Variants in RIMS1 observed in about 807,000 individuals in gnomAD.
RIMS1 encodes regulating synaptic membrane exocytosis 1, also known as regulating synaptic membrane exocytosis protein 1.
RIMS1 carries 83 observed loss-of-function variants against 214.1 expected under a neutral mutation model. The observed-to-expected ratio is 0.39, with a 90% CI of 0.32 to 0.47. RIMS1 has a LOEUF of 0.47. RIMS1 is among the 20% of genes least tolerant of loss of function. The pLI is 0.99. For synonymous variants in RIMS1, 793 were observed against 786.8 expected (o/e 1.01, Z -0.13); for missense variants, 2,050 against 2,161.8 (o/e 0.95, Z 1.03).
At chr6:72,213,823 G>C (rs2054489881) in intron 6 of RIMS1, among the ~76,000 whole-genome samples, 1 of 152,104 alleles carries the variant, frequency 6.6e-6, no homozygotes, top group African/African-American at 2.4e-5. Flanking sequence ...AATTGCATTT[G>C]ATGTTAGGTT....
intron 28 of RIMS1, among the ~76,000 whole-genome samples, chr6:72,323,575 A>G (rs541667091): frequency 1.7e-4 from 26 of 152,074 alleles, no homozygotes; most frequent in African/African-American, 5.5e-4. Context: ...TTGGAGGAGA[A>G]TATAAACAAG....
At chr6:72,008,791 G>A (rs1165789579) in intron 2 of RIMS1, among the ~76,000 whole-genome samples, 1 of 152,188 alleles carries the variant, frequency 6.6e-6, no homozygotes, top group Non-Finnish European at 1.5e-5. Flanking sequence ...AAATATATAT[G>A]CATGCAATAC....
At chr6:72,257,945 A>G (rs186729406) in intron 16 of RIMS1, among the ~76,000 whole-genome samples, 180 bp from the exon 17 acceptor site, 207 of 152,252 alleles carry the variant, frequency 1.4e-3, no homozygotes, top group African/African-American at 4.8e-3. Context: ...CAATGCATGT[A>G]TATGTTACAC....
intron 16 of RIMS1, among the ~76,000 whole-genome samples, chr6:72,253,155 AT>A (rs1262311883): frequency 2.0e-5 from 3 of 152,096 alleles, no homozygotes; most frequent in Non-Finnish European, 4.4e-5. Flanking sequence ...TAAAAATTCC[AT>A]TTTTCTGTGT....
intron 26 of RIMS1, among the ~76,000 whole-genome samples, chr6:72,298,394 C>T (rs995710234): frequency 2.0e-5 from 3 of 151,884 alleles, no homozygotes; most frequent in African/African-American, 4.8e-5. Context: ...AACTTGGCCC[C>T]TTATCAGTCA....
intron 6 of RIMS1, among the ~76,000 whole-genome samples, chr6:72,210,682 A>G (rs906165876): frequency 6.6e-6 from 1 of 152,186 alleles, no homozygotes; most frequent in African/African-American, 2.4e-5. Context: ...ATTAGCTTTG[A>G]TTATTATTGC....
Position 72,262,438 on chromosome 6 carries a change from C to T in RIMS1, c.3116+1671C>T, listed in dbSNP as rs920552549. 8.1e-6 allele frequency: 8 copies of T among 984,894 alleles called. No individual in the cohort carries two copies. In the East Asian group the frequency reaches 3.4e-4, roughly 42 times the overall value. The allele number at this position is 984,894 out of a possible 1,614,324, so 61.0% of individuals were successfully genotyped here. On this transcript the variant is annotated intron_variant, in intron 19 of 33. Transcript: ENST00000521978. ...GATAACATCCTGTGGACAGGTACTA[C>T]GACAATAAGATAGGGAGTGGAAGGA... is the stretch of plus-strand genomic sequence containing the variant.
intron 28 of RIMS1, among the ~76,000 whole-genome samples, chr6:72,330,038 G>T (rs2096607215): frequency 6.6e-6 from 1 of 151,818 alleles, no homozygotes; most frequent in African/African-American, 2.4e-5. Flanking sequence ...TCATGTAGAA[G>T]AATATAGGCC....
At position 71,968,963 on chromosome 6, in the gene RIMS1, C is replaced by T. The variant is rs756945417; in HGVS notation, c.165-20C>T. The T allele has an allele frequency of 7.5e-6, 12 of 1,606,550 alleles. No homozygotes were observed. In the Admixed American group the frequency reaches 2.0e-4, roughly 27 times the overall value. On this transcript the variant is annotated intron_variant, in intron 1 of 33. Transcript: ENST00000521978. ...TTTTTATAATTAATAGTGCGTTGTG[C>T]TGTCTATCATGCGCCCCAGGTGTGT...
rs557169028 is a variant in RIMS1 at position 72,237,690 on chromosome 6, A to T, written c.1858-133A>T. 6.1e-5 allele frequency: 40 copies of T among 657,470 alleles called. 1 individual carries two copies. In the Admixed American group the frequency reaches 1.1e-3, roughly 18 times the overall value. 40.7% of individuals were successfully genotyped at this position (657,470 alleles called of 1,614,324 possible). On this transcript the variant is annotated intron_variant, in intron 8 of 33. Coordinates refer to ENST00000521978, the MANE Select transcript of RIMS1 (RefSeq NM_014989.7). ...GATCCCATCTCAAAAAAAAAAAAAAAGTGCTTCACTTCATTAATGTTTCTA... is the reference window on the plus strand; with the variant it reads ...GATCCCATCTCAAAAAAAAAAAAAATGTGCTTCACTTCATTAATGTTTCTA...
intron 2 of RIMS1, among the ~76,000 whole-genome samples, chr6:72,085,014 C>T (rs1834291839): frequency 6.6e-6 from 1 of 152,036 alleles, no homozygotes. Flanking sequence ...TCTTTTTCAG[C>T]CACCTCTGAA....
rs780919863 is a variant in RIMS1 at position 72,179,672 on chromosome 6, A to T, written c.569A>T (p.Asp190Val). The T allele has an allele frequency of 1.2e-6, 2 of 1,613,706 alleles. No individual in the cohort carries two copies. Among genetic ancestry groups the T allele is most frequent in the African/African-American group, 2.7e-5 (2 of 74,922 alleles). Residue 190 changes from aspartate (D) to valine (V), a missense_variant, in exon 5 of 34, where the codon GAT becomes GTT. Asp to Val is a radical substitution (Grantham distance 152, BLOSUM62 -3). Transcript: ENST00000521978. ...AGTGGCCCTCAGCAGACAAGTCAGG[A>T]TGGAACCCTGAGTGATACAGCTACA... Reference protein sequence around the residue: ...FGSGPQQTSQDGTLSDTATGA... With the variant: ...FGSGPQQTSQVGTLSDTATGA...
chr6:72,357,626 G>C (rs986431941), intron 29 of RIMS1, among the ~76,000 whole-genome samples: 2 of 152,152 alleles, frequency 1.3e-5, no homozygotes, highest in African/African-American at 2.4e-5. Context: ...GGATTCTACA[G>C]GGTCTCTAAT....
chr6:72,293,133 T>G (rs2093639230), intron 26 of RIMS1, among the ~76,000 whole-genome samples: 1 of 150,672 alleles, frequency 6.6e-6, no homozygotes, highest in South Asian at 2.1e-4. Flanking sequence ...TAGTGTAGAT[T>G]TTTAAAGGTA....
chr6:71,997,532 C>G (rs1369485325), intron 2 of RIMS1, among the ~76,000 whole-genome samples: 1 of 152,166 alleles, frequency 6.6e-6, no homozygotes, highest in African/African-American at 2.4e-5. Context: ...TGTTAGAAAT[C>G]ATCACAAAAT....
intron 28 of RIMS1, among the ~76,000 whole-genome samples, chr6:72,322,974 G>A (rs1425910712): frequency 6.6e-6 from 1 of 152,070 alleles, no homozygotes; most frequent in Non-Finnish European, 1.5e-5. Context: ...AGGCCAAAGA[G>A]CCAAGCACAA....
intron 29 of RIMS1, among the ~76,000 whole-genome samples, chr6:72,360,994 A>C (rs570152517): frequency 4.1e-4 from 61 of 147,724 alleles, no homozygotes; most frequent in African/African-American, 1.4e-3. Flanking sequence ...TTGGATCATG[A>C]GATCATGAGA....
chr6:72,346,199 G>C (rs1329353383), intron 29 of RIMS1, among the ~76,000 whole-genome samples: 3 of 151,740 alleles, frequency 2.0e-5, no homozygotes, highest in Admixed American at 6.6e-5. Context: ...ATAATAATTA[G>C]CAGTTTTAAT....
chr6:72,127,056 A>G (rs1325988847), intron 4 of RIMS1, among the ~76,000 whole-genome samples: 1 of 152,204 alleles, frequency 6.6e-6, no homozygotes, highest in Non-Finnish European at 1.5e-5. Flanking sequence ...GCTTCTCTAT[A>G]TTCATGTTTT....
Sources: gnomAD v4.1 joint callset for allele counts (sites outside exome capture counted in the v4.1 genomes callset) on GRCh38, gnomAD v4.1.1 for gene constraint, MANE v1.5 for transcripts, NCBI Gene and HGNC (gene_info 2026-07-23, HGNC 2026-07-21) for gene names.